The following UBE3C variants were observed in gnomAD, a reference collection of about 807,000 sequenced individuals.
The protein encoded by UBE3C is ubiquitin-protein ligase E3C.
A neutral mutation model predicts 129.4 loss-of-function variants in UBE3C; 42 were observed. The ratio of observed to expected loss-of-function variants is 0.32; its 90% CI spans 0.25 to 0.42. The LOEUF is 0.42. UBE3C is among the 10% of genes least tolerant of loss of function. The pLI, the probability that UBE3C is intolerant of heterozygous loss-of-function variation, is 1.00. For missense variants in UBE3C, 1,049 were observed against 1,319.1 expected, an observed-to-expected ratio of 0.80 and a Z score of 3.17; for synonymous variants, 510 against 492.4, an observed-to-expected ratio of 1.04 and a Z score of -0.47.
chr7:157,185,355 A>G (rs569348826), intron 9 of UBE3C, among the ~76,000 whole-genome samples: 1 of 152,366 alleles, frequency 6.6e-6, no homozygotes, highest in Non-Finnish European at 1.5e-5. Context: ...ATTTACAACC[A>G]TAGAAAATAT....
At chr7:157,260,960 G>A (rs1029983590) in intron 22 of UBE3C, among the ~76,000 whole-genome samples, 3 of 152,116 alleles carry the variant, frequency 2.0e-5, no homozygotes, top group South Asian at 4.1e-4. Flanking sequence ...CGTGAGCGTC[G>A]TAGGTTTAGG....
rs191493285 is a variant in UBE3C at position 157,162,812 on chromosome 7, C to T, written c.67-998C>T. 4.1e-3 allele frequency among the ~76,000 whole-genome samples: 620 copies of T among 152,208 alleles called. 2 individuals carry two copies. Among genetic ancestry groups the T allele is most frequent in the African/African-American group, 0.014 (575 of 41,534 alleles). On this transcript the variant is annotated intron_variant, in intron 1 of 22. Coordinates refer to ENST00000348165, the MANE Select transcript of UBE3C (RefSeq NM_014671.3). The stretch of plus-strand genomic sequence containing the variant: ...GGATTACAGGCATGAGCCACCTTGC[C>T]CAGCCTGGACCTTTAATTTTATTTT...
At chr7:157,192,915 G>T in intron 10 of UBE3C, 1 of 678,300 alleles carries the variant, frequency 1.5e-6, no homozygotes, top group Admixed American at 2.3e-5. Flanking sequence ...GGTAGTGAAT[G>T]CCACTTTCCC....
Position 157,267,785 on chromosome 7 carries a change from G to A in UBE3C, c.*30G>A. On this transcript the variant is annotated 3_prime_UTR_variant, in exon 23 of 23. Transcript: ENST00000348165. ...GATGCTGGGGTCAGACCCCTACAGA[G>A]AACCAGTGCTTCCTTCGTCAGCAGC... The A allele has an allele frequency of 6.5e-7, 1 of 1,532,180 alleles. No homozygotes were observed. The highest frequency in any genetic ancestry group is 1.4e-5 in the African/African-American group (1 of 71,304). The allele number at this position is 1,532,180 out of a possible 1,614,324, so 94.9% of individuals were successfully genotyped here.
chr7:157,251,388 G>A (rs1365095185), intron 19 of UBE3C, among the ~76,000 whole-genome samples: 1 of 152,172 alleles, frequency 6.6e-6, no homozygotes, highest in African/African-American at 2.4e-5. Flanking sequence ...CTTTCTAGCA[G>A]AAAATGCTAA....
At chr7:157,187,600 T>C (rs1056669070) in intron 10 of UBE3C, among the ~76,000 whole-genome samples, 15 of 150,736 alleles carry the variant, frequency 1.0e-4, no homozygotes, top group Admixed American at 9.2e-4. Context: ...TTTTTTGAGA[T>C]GGAGTCTTGC....
intron 15 of UBE3C, chr7:157,221,788 G>A (rs1563062423): frequency 6.6e-6 from 1 of 152,174 alleles, no homozygotes; most frequent in East Asian, 1.9e-4. Context: ...GTATCTTCTT[G>A]TGGTTTTAAT....
At chr7:157,183,209 C>G (rs1248407312) in intron 8 of UBE3C, among the ~76,000 whole-genome samples, 1 of 152,168 alleles carries the variant, frequency 6.6e-6, no homozygotes, top group Non-Finnish European at 1.5e-5. Context: ...AATGTCAGAT[C>G]CCATCATCTG....
intron 10 of UBE3C, among the ~76,000 whole-genome samples, chr7:157,191,437 G>T (rs1190017940): frequency 2.0e-5 from 3 of 152,156 alleles, no homozygotes; most frequent in Non-Finnish European, 4.4e-5. Flanking sequence ...GACGATAGGC[G>T]TGCCACCACA....
intron 1 of UBE3C, 55 bp from the exon 2 acceptor site, chr7:157,163,755 G>A: frequency 6.4e-7 from 1 of 1,562,708 alleles, no homozygotes; most frequent in Non-Finnish European, 8.7e-7. Flanking sequence ...TTTTGTATGG[G>A]AGTTTTAAAA....
In UBE3C at chr7:157,197,631, A is replaced by C. The variant is rs1586681270; in HGVS notation, c.1332-4090A>C. ...TAGTTGATGGAGTAACACAGTGTTA[A>C]GAATATCTGCTTCTAGCAGTGTCAG... On this transcript the variant is annotated intron_variant, in intron 10 of 22. Transcript: ENST00000348165. The C allele has an allele frequency of 2.5e-6, 4 of 1,608,062 alleles. No individual in the cohort carries two copies. In the East Asian group the frequency reaches 8.9e-5, roughly 36 times the overall value.
intron 5 of UBE3C, 114 bp downstream of exon 5, chr7:157,175,148 T>TACAA (rs1808484158): frequency 1.4e-6 from 1 of 698,382 alleles, no homozygotes. Context: ...TTTTTTTTTT[T>TACAA]TTTTTTTTTT....
intron 11 of UBE3C, 72 bp from the exon 12 acceptor site, chr7:157,207,326 T>G: frequency 6.5e-7 from 1 of 1,548,482 alleles, no homozygotes. Flanking sequence ...TTTGATGTTA[T>G]GTTTTAATTA....
At chr7:157,226,457 A>G (rs1182363) in intron 17 of UBE3C, among the ~76,000 whole-genome samples, 78,569 of 152,088 alleles carry the variant, frequency 0.52, 23,252 homozygotes, top group Non-Finnish European at 0.66. Flanking sequence ...ATGTTGGTCA[A>G]TGCCGAGGGG....
intron 10 of UBE3C, among the ~76,000 whole-genome samples, chr7:157,188,545 C>T (rs1193937868): frequency 6.6e-6 from 1 of 152,150 alleles, no homozygotes; most frequent in African/African-American, 2.4e-5. Flanking sequence ...GTCGCACAAC[C>T]CATTGCTGTG....
Position 157,183,932 on chromosome 7 carries a change from T to C in UBE3C, c.1046T>C (p.Leu349Pro). Residue 349 changes from leucine (L) to proline (P), a missense_variant, in exon 9 of 23, where the codon CTC becomes CCC. Coordinates refer to ENST00000348165, the MANE Select transcript of UBE3C (RefSeq NM_014671.3). ...LVYLRVLQTF[L>P]SQLPVSPASA... ...TATTTGCGGGTGCTGCAGACCTTCC[T>C]CTCTCAGTTACCAGTCTCTCCTGCC... is the stretch of plus-strand genomic sequence containing the variant. 6.2e-7 allele frequency: 1 copy of C among 1,614,192 alleles called. No homozygotes were observed. The highest frequency in any genetic ancestry group is 1.1e-5 in the South Asian group (1 of 91,084).
chr7:157,263,500 C>T (rs146760960), intron 22 of UBE3C, among the ~76,000 whole-genome samples: 1,954 of 152,208 alleles, frequency 0.013, 44 homozygotes, highest in African/African-American at 0.045. Flanking sequence ...CCCATCTCTA[C>T]TAAAAATACA....
chr7:157,199,806 G>A (rs1261931649), intron 10 of UBE3C, among the ~76,000 whole-genome samples: 3 of 152,108 alleles, frequency 2.0e-5, no homozygotes, highest in East Asian at 1.9e-4. Flanking sequence ...AAATTTGCTC[G>A]AACATTAATG....
chr7:157,239,128 G>A (rs1796228545), intron 18 of UBE3C, among the ~76,000 whole-genome samples: 1 of 152,146 alleles, frequency 6.6e-6, no homozygotes, highest in Non-Finnish European at 1.5e-5. Context: ...AGAGAAATGT[G>A]TACCTATTAA....
Sources: allele counts gnomAD v4.1 joint callset (sites outside exome capture counted in the v4.1 genomes callset), GRCh38; gene constraint gnomAD v4.1.1; transcripts MANE v1.5; gene names NCBI Gene and HGNC (gene_info 2026-07-23, HGNC 2026-07-21).